Variants in MCTP1 observed in about 807,000 individuals in gnomAD.
MCTP1 encodes the protein multiple C2 and transmembrane domain containing 1.
MCTP1 carries 69 observed loss-of-function variants against 120.6 expected under a neutral mutation model. The ratio of observed to expected loss-of-function variants is 0.57; its 90% CI spans 0.47 to 0.70. The LOEUF (loss-of-function observed/expected upper bound fraction) is 0.70. Ranked by LOEUF, MCTP1 falls within the 30% of genes least tolerant of loss-of-function variation. MCTP1 has a pLI of 0.00. For synonymous variants in MCTP1, 529 were observed against 493.1 expected (o/e 1.07, Z -0.96); for missense variants, 1,203 against 1,248.8 (o/e 0.96, Z 0.55).
At chr5:95,135,017 A>C (rs1474629882) in intron 1 of MCTP1, among the ~76,000 whole-genome samples, 2 of 145,712 alleles carry the variant, frequency 1.4e-5, no homozygotes, top group Non-Finnish European at 3.0e-5. Context: ...AAAAAAAAAA[A>C]AAAAAAAAAA....
chr5:95,095,400 T>C (rs1407941900), intron 1 of MCTP1, among the ~76,000 whole-genome samples: 3 of 152,134 alleles, frequency 2.0e-5, no homozygotes, highest in South Asian at 2.1e-4. Flanking sequence ...TTTTTATGGT[T>C]TGCTTTAATG....
At chr5:94,717,881 G>A (rs1313031714) in intron 19 of MCTP1, among the ~76,000 whole-genome samples, 2 of 151,888 alleles carry the variant, frequency 1.3e-5, no homozygotes, top group Non-Finnish European at 2.9e-5. Context: ...GGACACAAAT[G>A]GGAAAATATT....
intron 10 of MCTP1, among the ~76,000 whole-genome samples, chr5:94,901,157 G>T (rs1291526764): frequency 1.3e-5 from 2 of 152,162 alleles, no homozygotes; most frequent in African/African-American, 4.8e-5. Context: ...CACGGCTGGG[G>T]AGGCCTCACA....
intron 19 of MCTP1, among the ~76,000 whole-genome samples, chr5:94,738,446 T>C (rs554751625): frequency 6.6e-6 from 1 of 152,288 alleles, no homozygotes; most frequent in African/African-American, 2.4e-5. Context: ...AGCTGAATTC[T>C]AGCAAGAGGG....
At chr5:95,050,924 A>G (rs1406059316) in intron 1 of MCTP1, among the ~76,000 whole-genome samples, 3 of 152,174 alleles carry the variant, frequency 2.0e-5, no homozygotes, top group African/African-American at 7.2e-5. Context: ...AAACATACAC[A>G]CAGGGAGAGT....
At chr5:94,831,162 T>C (rs562019080) in intron 17 of MCTP1, among the ~76,000 whole-genome samples, 93 of 152,258 alleles carry the variant, frequency 6.1e-4, no homozygotes, top group African/African-American at 2.2e-3. Flanking sequence ...CATGCCGCAT[T>C]GCCAATAGAT....
chr5:94,870,709 C>T (rs1797689631), intron 15 of MCTP1, among the ~76,000 whole-genome samples, 163 bp downstream of exon 15: 1 of 152,036 alleles, frequency 6.6e-6, no homozygotes, highest in African/African-American at 2.4e-5. Context: ...CCAACTATAA[C>T]AGAAAGTGTG....
In MCTP1 at chr5:94,769,611, C is replaced by A. The variant is rs1005149646; in HGVS notation, c.2610+9499G>T. 6.6e-5 allele frequency among the ~76,000 whole-genome samples: 10 copies of A among 152,070 alleles called. 1 individual carries two copies. In the East Asian group the frequency reaches 1.7e-3, roughly 26 times the overall value. ...AACTTCTTGTGTGGCAATATTCTAACCAATAGAAGCACAGAACCAATAAAA... is the reference window on the plus strand; with the variant it reads ...AACTTCTTGTGTGGCAATATTCTAAACAATAGAAGCACAGAACCAATAAAA... On this transcript the variant is annotated intron_variant, in intron 19 of 22. Transcript: ENST00000515393.
intron 19 of MCTP1, among the ~76,000 whole-genome samples, chr5:94,734,292 C>T (rs1192338986): frequency 6.6e-6 from 1 of 152,142 alleles, no homozygotes; most frequent in Non-Finnish European, 1.5e-5. Context: ...AGGATGCAGT[C>T]TTATAACATG....
intron 18 of MCTP1, among the ~76,000 whole-genome samples, chr5:94,789,926 TTTCA>T (rs1778536957): frequency 1.3e-5 from 2 of 152,160 alleles, no homozygotes; most frequent in African/African-American, 2.4e-5. Flanking sequence ...ACTAAAATAT[TTTCA>T]TTCAAACATT....
At chr5:95,075,690 T>C (rs1167794887) in intron 1 of MCTP1, among the ~76,000 whole-genome samples, 2 of 152,200 alleles carry the variant, frequency 1.3e-5, no homozygotes, top group African/African-American at 4.8e-5. Context: ...TTTTACCTTA[T>C]TTAGTTATAT....
At chr5:94,848,400 C>A (rs946012068) in intron 17 of MCTP1, among the ~76,000 whole-genome samples, 2 of 151,968 alleles carry the variant, frequency 1.3e-5, no homozygotes. Flanking sequence ...GGTCACCCTC[C>A]GAGAAAATGC....
At chr5:94,974,331 C>T (rs921918248) in intron 2 of MCTP1, among the ~76,000 whole-genome samples, 4 of 152,034 alleles carry the variant, frequency 2.6e-5, no homozygotes, top group Non-Finnish European at 5.9e-5. Context: ...AGAATTTCTT[C>T]AGGTCAGGAG....
rs958110566 is a variant in MCTP1, at chr5:94,974,690, C to T, written c.839-21329G>A. ...AATAAACCTAAGTATCAAAAAAGTG[C>T]CATTAAAATAACCAGATCCTATAGA... is the stretch of plus-strand genomic sequence containing the variant. On this transcript the variant is annotated intron_variant, in intron 2 of 22. Transcript: ENST00000515393. Among the ~76,000 whole-genome samples, 7 of 151,552 alleles carry T rather than the reference C, an allele frequency of 4.6e-5. No individual in the cohort carries two copies. The South Asian group carries it at 1.5e-3, about 32-fold the overall frequency.
chr5:95,098,636 G>A (rs1756463013), intron 1 of MCTP1, among the ~76,000 whole-genome samples: 1 of 149,382 alleles, frequency 6.7e-6, no homozygotes, highest in Non-Finnish European at 1.5e-5. Flanking sequence ...ACAAACAAAT[G>A]GAAGAACATT....
intron 1 of MCTP1, among the ~76,000 whole-genome samples, chr5:95,223,466 T>A (rs1582583259): frequency 6.6e-6 from 1 of 151,876 alleles, no homozygotes; most frequent in African/African-American, 2.4e-5. Flanking sequence ...CATAAATAAA[T>A]AAAATAAAAT....
At chr5:94,931,642 C>A in intron 6 of MCTP1, 1 of 304,272 alleles carries the variant, frequency 3.3e-6, no homozygotes, top group Non-Finnish European at 6.0e-6. Flanking sequence ...AGTTGTCCCT[C>A]CCCTAGCCTC....
chr5:94,940,680 C>T (rs1389007937), intron 4 of MCTP1, among the ~76,000 whole-genome samples: 1 of 147,916 alleles, frequency 6.8e-6, no homozygotes, highest in African/African-American at 2.5e-5. Flanking sequence ...GGGTTACAGT[C>T]TGACTTAGTT....
At position 95,065,247 on chromosome 5, in the gene MCTP1, T is replaced by C. The variant is rs370417115; in HGVS notation, c.721-47763A>G. 2.0e-5 allele frequency among the ~76,000 whole-genome samples: 3 copies of C among 152,068 alleles called. No homozygotes were observed. The East Asian group carries it at 5.8e-4, about 29-fold the overall frequency. ...TACAAATTATTATGTAGCATAAAAA[T>C]TTATCATTAATTCTTTAAGGCCAAT... is the stretch of plus-strand genomic sequence containing the variant. On this transcript the variant is annotated intron_variant, in intron 1 of 22. Coordinates refer to ENST00000515393, the MANE Select transcript of MCTP1 (RefSeq NM_024717.7).
Sources: allele counts gnomAD v4.1 joint callset (sites outside exome capture counted in the v4.1 genomes callset), GRCh38; gene constraint gnomAD v4.1.1; transcripts MANE v1.5; gene names NCBI Gene and HGNC (gene_info 2026-07-23, HGNC 2026-07-21).